Variants in EVC observed in about 807,000 individuals in gnomAD.
The protein encoded by EVC is evC complex member EVC.
A neutral mutation model predicts 118.9 loss-of-function variants in EVC; 116 were observed. The observed-to-expected ratio is 0.98, with a 90% CI of 0.84 to 1.14. The LOEUF is 1.14. EVC is among the 50% of genes most tolerant of loss of function. EVC has a pLI of 0.00. For synonymous variants in EVC, 619 were observed against 534.7 expected (o/e 1.16, Z -2.18); for missense variants, 1,401 against 1,246.4 (o/e 1.12, Z -1.87).
chr4:5,806,237 G>T (rs113167476), intron 17 of EVC, among the ~76,000 whole-genome samples: 21,069 of 151,782 alleles, frequency 0.14, 1,568 homozygotes, highest in South Asian at 0.22. Flanking sequence ...GCACCACCAT[G>T]CCCAGCTAAT....
chr4:5,719,106 C>G lies in EVC; in HGVS notation c.175-142C>G. On this transcript the variant is annotated intron_variant, in intron 1 of 20. Coordinates refer to ENST00000264956, the MANE Select transcript of EVC (RefSeq NM_153717.3). This position sits in a 1 kb window ranked among gnomAD's most constrained non-coding sequence, Gnocchi z 4.7. ...GGTGGGAGGCGTCACACACAGAAGA[C>G]CAAGCTTGAGAAGCACAGAGGCGAG... The G allele has an allele frequency of 8.7e-7, 1 of 1,153,128 alleles. No individual in the cohort carries two copies. Among genetic ancestry groups the G allele is most frequent in the Non-Finnish European group, 1.3e-6 (1 of 772,966 alleles). 71.4% of individuals were successfully genotyped at this position (1,153,128 alleles called of 1,614,324 possible).
chr4:5,711,891 G>T (rs1159983035), intron 1 of EVC, among the ~76,000 whole-genome samples: 1 of 152,192 alleles, frequency 6.6e-6, no homozygotes, highest in Non-Finnish European at 1.5e-5. Flanking sequence ...ACAGAAGGAC[G>T]GCTGGGGCTC....
At chr4:5,808,978 G>A (rs952984690) in intron 18 of EVC, among the ~76,000 whole-genome samples, 6 of 152,194 alleles carry the variant, frequency 3.9e-5, no homozygotes, top group Admixed American at 1.3e-4. Context: ...TGGCCGATAG[G>A]TACTTATTGA....
the EVC span, chr4:5,821,589 ACAC>A: frequency 4.7e-6 from 3 of 638,800 alleles, no homozygotes; most frequent in Non-Finnish European, 8.0e-6. The surrounding 1 kb of genome is among the most constrained non-coding windows in gnomAD (Gnocchi z 4.4). Flanking sequence ...CCAAGCAAAC[ACAC>A]CACACTAGTA....
chr4:5,767,389 A>G (rs1423855316), intron 11 of EVC, among the ~76,000 whole-genome samples: 1 of 144,426 alleles, frequency 6.9e-6, no homozygotes, highest in African/African-American at 2.5e-5. Context: ...TGGAACCTCC[A>G]GAGGCAGGCA....
At chr4:5,740,641 G>A (rs1376058283) in intron 5 of EVC, among the ~76,000 whole-genome samples, 3 of 152,094 alleles carry the variant, frequency 2.0e-5, no homozygotes, top group South Asian at 4.1e-4. Flanking sequence ...TCTTTAAGAA[G>A]ATGAGAAGAC....
At position 5,754,886 on chromosome 4, in the gene EVC, G is replaced by A. The variant is rs576101275; in HGVS notation, c.1464+953G>A. Among the ~76,000 whole-genome samples the A allele has an allele frequency of 2.0e-5, 3 of 152,284 alleles. No homozygotes were observed. The East Asian group carries it at 5.8e-4, about 29-fold the overall frequency. ...CTGCCCTCCGTCAACACTTGGTACA[G>A]CACATCTCAGTTCTGCCAAGGGGTG... On this transcript the variant is annotated intron_variant, in intron 10 of 20. Transcript: ENST00000264956. This position sits in a 1 kb window ranked among gnomAD's most constrained non-coding sequence, Gnocchi z 5.8.
intron 1 of EVC, among the ~76,000 whole-genome samples, chr4:5,716,748 C>T (rs527305028): frequency 1.3e-5 from 2 of 152,316 alleles, no homozygotes; most frequent in South Asian, 4.1e-4. Flanking sequence ...TGAAGAAAGT[C>T]AGGATTTTCC....
rs761769488 is a variant in EVC at position 5,804,747 on chromosome 4, T to C, written c.2467T>C (p.Tyr823His). The C allele has an allele frequency of 3.1e-6, 5 of 1,613,934 alleles. No individual in the cohort carries two copies. Among genetic ancestry groups the C allele is most frequent in the Non-Finnish European group, 4.2e-6 (5 of 1,180,012 alleles). Residue 823 changes from tyrosine (Y) to histidine (H), a missense_variant, in exon 17 of 21, where the codon TAC (tyrosine) becomes CAC (histidine). Tyr to His is a moderately conservative substitution (Grantham distance 83). Coordinates refer to ENST00000264956, the MANE Select transcript of EVC (RefSeq NM_153717.3). ...TGGTCTAGGTGAGAGGATGGAAAAT[T>C]ACAAACTGCGGAAAAAGCAAGAACT... ...KTLQGERMEN[Y>H]KLRKKQELSN... is the part of the protein sequence containing the mutation.
chr4:5,729,252 C>T lies in EVC; in HGVS notation c.301-55C>T. On this transcript the variant is annotated intron_variant, in intron 2 of 20. Coordinates refer to ENST00000264956, the MANE Select transcript of EVC (RefSeq NM_153717.3). ...GTGGCATTTTGGAAAAACTTGACAACTTATCCTTCATTTTACAGAAAGTTT... is the reference window on the plus strand; with the variant it reads ...GTGGCATTTTGGAAAAACTTGACAATTTATCCTTCATTTTACAGAAAGTTT... 3 of 1,567,704 alleles carry T rather than the reference C, an allele frequency of 1.9e-6. No individual in the cohort carries two copies. In the South Asian group the frequency reaches 3.3e-5, roughly 17 times the overall value.
intron 5 of EVC, among the ~76,000 whole-genome samples, chr4:5,739,004 A>G (rs369114744): frequency 1.3e-5 from 2 of 152,348 alleles, no homozygotes; most frequent in African/African-American, 4.8e-5. Context: ...TAGTGTAAAC[A>G]TAGCTTTTAT....
rs1430269582 is a variant in EVC, at chr4:5,752,959, G to T, written c.1222G>T (p.Ala408Ser). ...AAISHGLELLAGEGKLSGRQK... is the reference protein window; with the variant it reads ...AAISHGLELLSGEGKLSGRQK... ...CATCTCCCACGGCCTGGAGCTGCTG[G>T]CTGGTGAGGGGAAGCTGTCCGGGCG... The change falls in exon 9 of 21, where the codon GCT becomes TCT. Residue 408 changes from alanine to serine, a missense_variant. Physicochemically the swap from Ala to Ser is moderately conservative, Grantham distance 99. Coordinates refer to ENST00000264956, the MANE Select transcript of EVC (RefSeq NM_153717.3). The T allele has an allele frequency of 3.1e-6, 5 of 1,613,942 alleles. No homozygotes were observed. In the African/African-American group the frequency reaches 5.3e-5, roughly 17 times the overall value.
At chr4:5,804,909 G>T in intron 17 of EVC, 68 bp downstream of exon 17, 1 of 1,384,900 alleles carries the variant, frequency 7.2e-7, no homozygotes. Context: ...ATCTCTCTGT[G>T]GTGCCGTCAG....
intron 4 of EVC, among the ~76,000 whole-genome samples, chr4:5,732,120 C>T (rs1726920987): frequency 7.0e-6 from 1 of 142,254 alleles, no homozygotes. Flanking sequence ...TCATTTCCTC[C>T]AGTTCACAAA....
chr4:5,797,061 GC>G lies in EVC; in HGVS notation c.1927del (p.Arg643AlafsTer17). The G allele has an allele frequency of 1.2e-6, 2 of 1,613,416 alleles. No homozygotes were observed. The highest frequency in any genetic ancestry group is 1.7e-6 in the Non-Finnish European group (2 of 1,180,002). ...TCCTGCAGGGGCATGACCTGCTGTT[GC>G]GCTCAGCCCTCCGGAGGCTGGCACT... ...CVLQGHDLLL[R>X]SALRRLALRG... On this transcript the variant is annotated frameshift_variant, in exon 14 of 21. Coordinates refer to ENST00000264956, the MANE Select transcript of EVC (RefSeq NM_153717.3). LOFTEE classifies it high-confidence loss of function.
At chr4:5,804,906 T>G in intron 17 of EVC, 65 bp downstream of exon 17, 9 of 1,393,216 alleles carry the variant, frequency 6.5e-6, no homozygotes, top group South Asian at 1.2e-5. Context: ...CATATCTCTC[T>G]GTGGTGCCGT....
intron 11 of EVC, among the ~76,000 whole-genome samples, chr4:5,778,251 G>C (rs1735020432): frequency 6.6e-6 from 1 of 151,680 alleles, no homozygotes; most frequent in Non-Finnish European, 1.5e-5. Context: ...TTGGACATTT[G>C]GGTTGGTTCC....
At chr4:5,753,152 G>A (rs1730651485) in intron 9 of EVC, 100 bp downstream of exon 9, 1 of 1,162,932 alleles carries the variant, frequency 8.6e-7, no homozygotes, top group Non-Finnish European at 1.2e-6. Flanking sequence ...GTGTGCCCAT[G>A]ATGCCGGGCA....
chr4:5,715,450 A>G (rs1723777575), intron 1 of EVC, among the ~76,000 whole-genome samples: 1 of 152,146 alleles, frequency 6.6e-6, no homozygotes, highest in African/African-American at 2.4e-5. Flanking sequence ...CTGGTGATTT[A>G]CATGTTCTTA....
Sources: allele counts gnomAD v4.1 joint callset (sites outside exome capture counted in the v4.1 genomes callset), GRCh38; gene constraint gnomAD v4.1.1; non-coding constraint Gnocchi (gnomAD v3.1); transcripts MANE v1.5; gene names NCBI Gene and HGNC (gene_info 2026-07-23, HGNC 2026-07-21).